The following LYSMD1 variants were observed in gnomAD, a reference collection of about 807,000 sequenced individuals.
The protein encoded by LYSMD1 is lysM and putative peptidoglycan-binding domain-containing protein 1.
A neutral mutation model predicts 19.3 loss-of-function variants in LYSMD1; 9 were observed. The observed-to-expected ratio is 0.47, with a 90% CI of 0.28 to 0.81. The LOEUF is 0.81. Among genes scored for constraint, LYSMD1 ranks in the 40% least tolerant of loss-of-function variants. The pLI, the probability that LYSMD1 is intolerant of heterozygous loss-of-function variation, is 0.11. For missense variants in LYSMD1, 262 were observed against 279.8 expected (o/e 0.94, Z 0.45); for synonymous variants, 111 against 111.7 (o/e 0.99, Z 0.04).
At chr1:151,159,411 C>A (rs1429918875), downstream of LYSMD1, 3 of 743,570 alleles carry the variant, frequency 4.0e-6, no homozygotes, top group Middle Eastern at 3.8e-4. Context: ...AGCCCACCCC[C>A]AAACAGCTAG....
In LYSMD1 at chr1:151,165,222, AC is replaced by A. The variant is rs1172020612; in HGVS notation, c.36del (p.Ser13GlnfsTer23). 6.2e-7 allele frequency: 1 copy of A among 1,613,154 alleles called. No homozygotes were observed. Among genetic ancestry groups the A allele is most frequent in the Non-Finnish European group, 8.5e-7 (1 of 1,179,728 alleles). On this transcript the variant is annotated frameshift_variant, in exon 1 of 3. Coordinates refer to ENST00000368908, the MANE Select transcript of LYSMD1 (RefSeq NM_212551.5). LOFTEE classifies it high-confidence loss of function. ...ASPSRQPPPGGSGLLQGSRAR... is the reference protein window; with the variant it reads ...ASPSRQPPPGXSGLLQGSRAR... ...GCCCGGCTCCCTTGAAGCAGTCCTG[AC>A]CCCCCTGGCGGGGGCTGTCTAGACG... is the stretch of plus-strand genomic sequence containing the variant.
the LYSMD1 span, among the ~76,000 whole-genome samples, chr1:151,149,697 G>A: frequency 6.6e-6 from 1 of 152,152 alleles, no homozygotes; most frequent in African/African-American, 2.4e-5. Context: ...CTTGCAGTGA[G>A]CCGAGATCGC....
At chr1:151,149,611 C>T in the LYSMD1 span, among the ~76,000 whole-genome samples, 3 of 151,502 alleles carry the variant, frequency 2.0e-5, no homozygotes, top group African/African-American at 4.9e-5. Context: ...ATTAGCCGGG[C>T]GTGGCGGTGT....
At chr1:151,165,009 G>T in intron 1 of LYSMD1, 70 bp downstream of exon 1, 1 of 1,359,120 alleles carries the variant, frequency 7.4e-7, no homozygotes, top group Non-Finnish European at 1.0e-6. Flanking sequence ...TACCTAGAAG[G>T]GCCACTACAT....
rs1306172437 is a variant in LYSMD1 at position 151,160,794 on chromosome 1, A to C, written c.*88T>G. On this transcript the variant is annotated 3_prime_UTR_variant, in exon 3 of 3. Coordinates refer to ENST00000368908, the MANE Select transcript of LYSMD1 (RefSeq NM_212551.5). ...TGGAGTGGAGGGAGGCAGGCTCATA[A>C]GCCATGTTCTTGAGCCTCACCTCAG... is the stretch of plus-strand genomic sequence containing the variant. The C allele has an allele frequency of 6.8e-6, 10 of 1,478,282 alleles. No homozygotes were observed. Among genetic ancestry groups the C allele is most frequent in the Non-Finnish European group, 6.5e-6 (7 of 1,081,444 alleles). The allele number at this position is 1,478,282 out of a possible 1,614,324, so 91.6% of individuals were successfully genotyped here. A position where few individuals can be genotyped will look rare whatever the true frequency, so the allele number is the denominator to read the frequency against.
At chr1:151,148,774 A>T in the LYSMD1 span, among the ~76,000 whole-genome samples, 5 of 151,864 alleles carry the variant, frequency 3.3e-5, no homozygotes, top group Admixed American at 2.6e-4. Context: ...CAGCATGGAT[A>T]AAAAAAAGGT....
downstream of LYSMD1, among the ~76,000 whole-genome samples, chr1:151,156,100 CAAAAAAAAAAAAAAAAA>C (rs751524835): frequency 2.6e-5 from 1 of 38,124 alleles, no homozygotes; most frequent in African/African-American, 7.8e-5. Context: ...AACTCTGTCT[CAAAAAAAAAAAAAAAAA>C]AAAAAAAAAA....
At chr1:151,155,051 C>T (rs1011253025), downstream of LYSMD1, among the ~76,000 whole-genome samples, 9 of 152,200 alleles carry the variant, frequency 5.9e-5, no homozygotes, top group East Asian at 1.9e-4. Context: ...TGAGCCACCG[C>T]GCCCGGCCTG....
downstream of LYSMD1, chr1:151,159,535 A>T (rs1683359583): frequency 2.8e-6 from 1 of 353,268 alleles, no homozygotes; most frequent in Non-Finnish European, 5.6e-6. Context: ...TTCTCCCATA[A>T]GGGACTTCTG....
At chr1:151,157,508 T>C (rs1683265198), downstream of LYSMD1, among the ~76,000 whole-genome samples, 1 of 152,124 alleles carries the variant, frequency 6.6e-6, no homozygotes, top group East Asian at 1.9e-4. Flanking sequence ...GAGTTCAGTG[T>C]AGCAGAAGGC....
the LYSMD1 span, among the ~76,000 whole-genome samples, chr1:151,150,612 T>G: frequency 1.3e-5 from 2 of 152,218 alleles, no homozygotes; most frequent in African/African-American, 4.8e-5. Flanking sequence ...CTTGAAATGC[T>G]TTCTTCTTTT....
chr1:151,157,369 G>A (rs1016443279), downstream of LYSMD1, among the ~76,000 whole-genome samples: 2 of 152,186 alleles, frequency 1.3e-5, no homozygotes, highest in African/African-American at 2.4e-5. Context: ...TCCTCACTGC[G>A]GTCACAGCCA....
chr1:151,162,039 G>A lies in LYSMD1; in HGVS notation c.242C>T (p.Thr81Ile), dbSNP rs1272145766. The part of the protein sequence containing the change: ...YTNDSIFLKK[T>I]LYIPILTEPR... ...CTCTGTCAGGATGGGGATGTAGAGG[G>A]TTTTCTTCAGGAAGATGGAGTCATT... is the stretch of plus-strand genomic sequence containing the variant. The change falls in exon 2 of 3, where the codon ACC (threonine) becomes ATC (isoleucine). Residue 81 changes from threonine to isoleucine, a missense_variant. By Grantham distance (89) the Thr-to-Ile change is moderately conservative. Transcript: ENST00000368908. 4 of 1,612,710 alleles carry A rather than the reference G, an allele frequency of 2.5e-6. No individual in the cohort carries two copies. Among genetic ancestry groups the A allele is most frequent in the Non-Finnish European group, 3.4e-6 (4 of 1,179,710 alleles).
the LYSMD1 span, among the ~76,000 whole-genome samples, chr1:151,150,537 G>T: frequency 6.6e-6 from 1 of 152,020 alleles, no homozygotes; most frequent in Non-Finnish European, 1.5e-5. Flanking sequence ...CACATTCAAT[G>T]AACAACTCTT....
In LYSMD1 at chr1:151,160,248, A is replaced by G. The variant is rs924022325; in HGVS notation, c.*634T>C. ...ACAGGAATGGGGTACCAAAAAAAAA[A>G]AAAAAAAGAATCAGCCCAAATCTGT... On this transcript the variant is annotated 3_prime_UTR_variant, in exon 3 of 3. Transcript: ENST00000368908. The G allele has an allele frequency of 7.0e-6, 1 of 143,796 alleles. No individual in the cohort carries two copies. The highest frequency in any genetic ancestry group is 2.5e-5 in the African/African-American group (1 of 40,280). The allele number at this position is 143,796 out of a possible 1,614,324, so 8.9% of individuals were successfully genotyped here. A position where few individuals can be genotyped will look rare whatever the true frequency, so the allele number is the denominator to read the frequency against.
chr1:151,163,878 T>TTGTGTGTGTGTGTG (rs57906452), intron 1 of LYSMD1, among the ~76,000 whole-genome samples: 2 of 141,948 alleles, frequency 1.4e-5, no homozygotes, highest in Non-Finnish European at 3.1e-5. Flanking sequence ...TTTCCTATCT[T>TTGTGTGTGTGTGTG]TGTGTGTGTG....
intron 2 of LYSMD1, 25 bp from the exon 3 acceptor site, chr1:151,161,045 G>C (rs587692984): frequency 6.2e-7 from 1 of 1,611,370 alleles, no homozygotes; most frequent in East Asian, 2.2e-5. Flanking sequence ...AGGGGGGAAA[G>C]AGTGACAGAT....
chr1:151,149,430 C>T, the LYSMD1 span, among the ~76,000 whole-genome samples: 1 of 151,666 alleles, frequency 6.6e-6, no homozygotes, highest in Non-Finnish European at 1.5e-5. Flanking sequence ...ACCTCTCTTC[C>T]TACTCCCTTA....
the LYSMD1 span, among the ~76,000 whole-genome samples, chr1:151,153,393 G>A: frequency 5.9e-5 from 9 of 152,108 alleles, no homozygotes; most frequent in South Asian, 2.1e-4. Context: ...AGTGGCTCAC[G>A]CCTGTAATCC....
Sources: allele counts gnomAD v4.1 joint callset (sites outside exome capture counted in the v4.1 genomes callset), GRCh38; gene constraint gnomAD v4.1.1; transcripts MANE v1.5; gene names NCBI Gene and HGNC (gene_info 2026-07-23, HGNC 2026-07-21).